WDFY4: variants seen among roughly 807,000 people sequenced by gnomAD.
The protein encoded by WDFY4 is WDFY family member 4, also known as WD repeat- and FYVE domain-containing protein 4.
WDFY4 carries 169 observed loss-of-function variants against 351.9 expected under a neutral mutation model. The ratio of observed to expected loss-of-function variants is 0.48; its 90% confidence interval spans 0.42 to 0.55. The LOEUF is 0.55. WDFY4 is among the 20% of genes least tolerant of loss of function. The probability of loss-of-function intolerance (pLI) is 0.00; values close to 1 mark genes in which losing one functional copy is unlikely to be tolerated. For missense variants in WDFY4, 3,803 were observed against 3,935.6 expected, an observed-to-expected ratio of 0.97 and a Z score of 0.90; for synonymous variants, 1,622 against 1,574.6, an observed-to-expected ratio of 1.03 and a Z score of -0.71.
chr10:48,859,434 T>C (rs1318739079), intron 39 of WDFY4, among the ~76,000 whole-genome samples: 2 of 152,212 alleles, frequency 1.3e-5, no homozygotes, highest in Non-Finnish European at 2.9e-5. Flanking sequence ...AAATAGGTGT[T>C]AAATTTTATT....
At chr10:48,918,924 G>C (rs1479308745) in intron 47 of WDFY4, among the ~76,000 whole-genome samples, 1 of 152,160 alleles carries the variant, frequency 6.6e-6, no homozygotes, top group African/African-American at 2.4e-5. Flanking sequence ...AAATTGCCTG[G>C]AGATGAGAAC....
Position 48,788,557 on chromosome 10 carries a change from C to A in WDFY4, c.3836C>A (p.Pro1279His), listed in dbSNP as rs1429809753. Residue 1279 changes from proline (P) to histidine (H), a missense_variant, in exon 21 of 62, where the codon CCC (proline) becomes CAC (histidine). Physicochemically the swap from Pro to His is moderately conservative, Grantham distance 77 (BLOSUM62 -2). This residue lies in a region of WDFY4 where 3,054 missense variants were observed against 3,148.6 expected (regional missense o/e 0.97). Transcript: ENST00000325239. ...GAGGACCTGGACAGTGAAGCCACGCCCTTTGTTGCAGAAGAAAGAGTTTCT... is the reference window on the plus strand; with the variant it reads ...GAGGACCTGGACAGTGAAGCCACGCACTTTGTTGCAGAAGAAAGAGTTTCT... ...QGEDLDSEAT[P>H]FVAEERVSFG... 1 of 1,552,074 alleles carries A rather than the reference C, an allele frequency of 6.4e-7. No individual in the cohort carries two copies. The highest frequency in any genetic ancestry group is 2.4e-5 in the East Asian group (1 of 40,922).
chr10:48,719,433 C>T (rs947596039), intron 2 of WDFY4, among the ~76,000 whole-genome samples: 17 of 152,140 alleles, frequency 1.1e-4, no homozygotes, highest in Admixed American at 3.3e-4. Context: ...TGTCTGCTCA[C>T]GGGAGGCCTG....
intron 44 of WDFY4, among the ~76,000 whole-genome samples, chr10:48,892,998 A>G (rs1836891268): frequency 1.3e-5 from 2 of 152,230 alleles, no homozygotes; most frequent in Admixed American, 1.3e-4. Flanking sequence ...CACACACAAA[A>G]AAACAGAAAT....
rs932589545 is a variant in WDFY4 at position 48,817,527 on chromosome 10, T to C, written c.5505+118T>C. ...AATTAAAATACATTTTAAGGCAACT[T>C]GAGCGGAACATTGAATAAGCAGCTT... is the stretch of plus-strand genomic sequence containing the variant. On this transcript the variant is annotated intron_variant, in intron 32 of 61. Transcript: ENST00000325239. 5.5e-6 allele frequency: 7 copies of C among 1,274,376 alleles called. No individual in the cohort carries two copies. In the Admixed American group the frequency reaches 2.0e-4, roughly 36 times the overall value. The allele number at this position is 1,274,376 out of a possible 1,614,324, so 78.9% of individuals were successfully genotyped here. A position where few individuals can be genotyped will look rare whatever the true frequency, so the allele number is the denominator to read the frequency against.
chr10:48,821,652 A>G (rs915800069), intron 34 of WDFY4, among the ~76,000 whole-genome samples: 1 of 152,230 alleles, frequency 6.6e-6, no homozygotes, highest in African/African-American at 2.4e-5. Context: ...GGGCAGCTGT[A>G]CCTTTTCAAC....
chr10:48,738,273 T>G (rs12572455), intron 11 of WDFY4, among the ~76,000 whole-genome samples: 11,113 of 152,342 alleles, frequency 0.073, 616 homozygotes, highest in East Asian at 0.25. Context: ...TTGTTTACTC[T>G]GTAGCCCAGA....
chr10:48,794,732 G>A (rs1041017846), intron 23 of WDFY4, among the ~76,000 whole-genome samples: 4 of 152,158 alleles, frequency 2.6e-5, no homozygotes, highest in Non-Finnish European at 5.9e-5. Flanking sequence ...GGCGGGTATG[G>A]TCAAACCATG....
chr10:48,809,562 TCAA>T (rs1408907626), intron 28 of WDFY4, among the ~76,000 whole-genome samples: 10 of 140,818 alleles, frequency 7.1e-5, no homozygotes, highest in Non-Finnish European at 1.1e-4. Context: ...ACCACCATCA[TCAA>T]CATCATCAAC....
At chr10:48,688,778 G>T (rs1410198757) in intron 1 of WDFY4, among the ~76,000 whole-genome samples, 3 of 152,174 alleles carry the variant, frequency 2.0e-5, no homozygotes, top group Non-Finnish European at 4.4e-5. Context: ...ATGACAGGTG[G>T]TCAGAGTGGT....
chr10:48,762,765 C>T (rs1376541070), intron 13 of WDFY4, among the ~76,000 whole-genome samples: 1 of 152,210 alleles, frequency 6.6e-6, no homozygotes, highest in East Asian at 1.9e-4. Flanking sequence ...TCCAGGCAGG[C>T]TCTTTAGCAG....
intron 53 of WDFY4, among the ~76,000 whole-genome samples, chr10:48,961,331 G>T (rs1231848087): frequency 1.3e-5 from 2 of 152,220 alleles, no homozygotes; most frequent in African/African-American, 4.8e-5. Context: ...TGACCAGAGT[G>T]TTGCTGGAAT....
chr10:48,914,884 G>A (rs369426976), intron 47 of WDFY4, among the ~76,000 whole-genome samples: 4 of 152,128 alleles, frequency 2.6e-5, no homozygotes, highest in Non-Finnish European at 4.4e-5. Flanking sequence ...TGGGGGGTGC[G>A]GGCAAAGCTC....
At position 48,814,026 on chromosome 10, in the gene WDFY4, C is replaced by T; in HGVS notation, c.5284C>T (p.Leu1762=). 1.3e-6 allele frequency: 2 copies of T among 1,550,792 alleles called. No individual in the cohort carries two copies. Among genetic ancestry groups the T allele is most frequent in the Non-Finnish European group, 1.7e-6 (2 of 1,146,452 alleles). Residue 1762 remains leucine, a synonymous_variant, in exon 31 of 62, where the codon CTG becomes TTG. Coordinates refer to ENST00000325239, the MANE Select transcript of WDFY4 (RefSeq NM_001394531.1). ...CCAGGAAGAAGTCCTCCAGGCTGGGCTGTGCACAGAAGGTGCCTTGCTCCT... is the reference window on the plus strand; with the variant it reads ...CCAGGAAGAAGTCCTCCAGGCTGGGTTGTGCACAGAAGGTGCCTTGCTCCT... The part of the protein sequence containing the change: ...HHQEEVLQAG[L]CTEGALLLLE...
At chr10:48,794,060 G>C (rs117650662) in intron 23 of WDFY4, among the ~76,000 whole-genome samples, 5,853 of 152,276 alleles carry the variant, frequency 0.038, 153 homozygotes, top group Middle Eastern at 0.099. Context: ...GAGGATGGTT[G>C]TGGAGCTGTG....
Position 48,888,655 on chromosome 10 carries a change from A to G in WDFY4, c.7168-1924A>G, listed in dbSNP as rs919947887. Among the ~76,000 whole-genome samples, 22 of 152,274 alleles carry G rather than the reference A, an allele frequency of 1.4e-4. No individual in the cohort carries two copies. The East Asian group carries it at 2.1e-3, about 15-fold the overall frequency. ...GTTGGTACTCCTAATTTCCAACTTC[A>G]TCTTAGCCGTACTGACCACTTTCTG... On this transcript the variant is annotated intron_variant, in intron 43 of 61. Coordinates refer to ENST00000325239, the MANE Select transcript of WDFY4 (RefSeq NM_001394531.1).
intron 2 of WDFY4, among the ~76,000 whole-genome samples, chr10:48,713,876 G>C (rs1015961179): frequency 1.3e-5 from 2 of 152,168 alleles, no homozygotes; most frequent in Non-Finnish European, 2.9e-5. Context: ...TTAGAAATGA[G>C]ACTAAGAGAT....
At chr10:48,945,559 A>G (rs1841000374) in intron 49 of WDFY4, among the ~76,000 whole-genome samples, 1 of 152,224 alleles carries the variant, frequency 6.6e-6, no homozygotes, top group South Asian at 2.1e-4. Flanking sequence ...AGGGGCGCTC[A>G]CAGCATGCTT....
chr10:48,857,894 C>A (rs573413781), intron 39 of WDFY4, among the ~76,000 whole-genome samples: 2 of 151,930 alleles, frequency 1.3e-5, no homozygotes, highest in African/African-American at 4.8e-5. Context: ...CAGGTACAAG[C>A]GATTCTCCTG....
Sources: allele counts gnomAD v4.1 joint callset (sites outside exome capture counted in the v4.1 genomes callset), GRCh38; gene constraint gnomAD v4.1.1; regional missense constraint gnomAD v4.1.1; transcripts MANE v1.5; gene names NCBI Gene and HGNC (gene_info 2026-07-23, HGNC 2026-07-21).